Variants in RNF212 observed in about 807,000 individuals in gnomAD.
RNF212 encodes the protein probable E3 SUMO-protein ligase RNF212.
In RNF212, 33 loss-of-function variants were observed where a neutral mutation model predicts 34.7. The ratio of observed to expected loss-of-function variants is 0.95; its 90% CI spans 0.72 to 1.27. The LOEUF (loss-of-function observed/expected upper bound fraction) is 1.27, where lower values mean the gene tolerates loss of function less well. Ranked by LOEUF, RNF212 falls within the 50% of genes most tolerant of loss-of-function variation. RNF212 has a pLI of 0.00. For missense variants in RNF212, 377 were observed against 362.2 expected, an observed-to-expected ratio of 1.04 and a Z score of -0.33; for synonymous variants, 140 against 136.1, an observed-to-expected ratio of 1.03 and a Z score of -0.20.
chr4:1,075,546 C>G (rs1719155954), intron 8 of RNF212, among the ~76,000 whole-genome samples: 2 of 152,246 alleles, frequency 1.3e-5, no homozygotes, highest in Non-Finnish European at 2.9e-5. Flanking sequence ...GCACCAGCCA[C>G]CAGGGATCTG....
intron 4 of RNF212, chr4:1,056,569 A>G: frequency 1.3e-6 from 1 of 765,858 alleles, no homozygotes; most frequent in South Asian, 5.9e-5. Context: ...GAGTTTATTC[A>G]CTAAAATGTG....
chr4:1,080,097 C>A (rs188444617), intron 7 of RNF212, among the ~76,000 whole-genome samples: 10 of 152,328 alleles, frequency 6.6e-5, no homozygotes, highest in Non-Finnish European at 1.3e-4. Context: ...CACTGCCTGG[C>A]CACACATACC....
chr4:1,088,697 G>C (rs1721720546), intron 4 of RNF212, among the ~76,000 whole-genome samples: 2 of 152,202 alleles, frequency 1.3e-5, no homozygotes, highest in African/African-American at 4.8e-5. Flanking sequence ...TAGTTTTATG[G>C]GCCGGGCCAA....
chr4:1,082,142 G>T (rs1177557573), intron 5 of RNF212, among the ~76,000 whole-genome samples: 1 of 151,934 alleles, frequency 6.6e-6, no homozygotes, highest in Non-Finnish European at 1.5e-5. Flanking sequence ...AAAAGGAAGG[G>T]GAAAGGGAAA....
rs1176491239 is a variant in RNF212, at chr4:1,076,512, C to T, written c.511-2850G>A. 2.0e-5 allele frequency among the ~76,000 whole-genome samples: 3 copies of T among 152,210 alleles called. No homozygotes were observed. In the South Asian group the frequency reaches 6.2e-4, roughly 32 times the overall value. The stretch of plus-strand genomic sequence containing the variant: ...GTGGGAGGTTCACCTCGAGAGAGGC[C>T]TGCACACTGCTCTCTGCAGGCCAGA... On this transcript the variant is annotated intron_variant, in intron 8 of 9. Coordinates refer to ENST00000433731, the MANE Select transcript of RNF212 (RefSeq NM_001131034.4).
intron 3 of RNF212, among the ~76,000 whole-genome samples, chr4:1,092,653 C>T (rs941132696): frequency 1.3e-5 from 2 of 152,202 alleles, no homozygotes; most frequent in Non-Finnish European, 2.9e-5. Context: ...TTGAACTGAG[C>T]CAGAGAAACA....
downstream of RNF212, among the ~76,000 whole-genome samples, chr4:1,070,408 T>C (rs572869186): frequency 1.0e-4 from 14 of 138,074 alleles, no homozygotes; most frequent in South Asian, 2.4e-4. Flanking sequence ...TGGGTGGTTT[T>C]GTAGGACTGT....
chr4:1,084,504 A>G (rs1399667182), intron 5 of RNF212, among the ~76,000 whole-genome samples: 1 of 151,950 alleles, frequency 6.6e-6, no homozygotes, highest in East Asian at 1.9e-4. Context: ...CTGAGGTGGG[A>G]GGATCACTTG....
At chr4:1,089,683 G>C (rs1305824589) in intron 4 of RNF212, among the ~76,000 whole-genome samples, 2 of 149,852 alleles carry the variant, frequency 1.3e-5, no homozygotes, top group Non-Finnish European at 2.9e-5. Context: ...TGTCAAGGGA[G>C]GGATCCGGTG....
In RNF212 at chr4:1,097,465, C is replaced by T. The variant is rs189950882; in HGVS notation, c.172-626G>A. Among the ~76,000 whole-genome samples the T allele has an allele frequency of 9.9e-5, 15 of 152,044 alleles. No homozygotes were observed. The East Asian group carries it at 2.5e-3, about 26-fold the overall frequency. On this transcript the variant is annotated intron_variant, in intron 2 of 9. Transcript: ENST00000433731. ...TAAAAATATAAAAAAATTAGCCGGG[C>T]GTGGTGACGGGCACCTGTAGTCCCA...
chr4:1,094,046 G>T, intron 3 of RNF212: 1 of 1,355,630 alleles, frequency 7.4e-7, no homozygotes, highest in South Asian at 1.3e-5. Flanking sequence ...TCAGAAGCAA[G>T]GAAGCTCCCA....
intron 2 of RNF212, among the ~76,000 whole-genome samples, chr4:1,102,559 A>G (rs1237565702): frequency 7.1e-6 from 1 of 140,490 alleles, no homozygotes; most frequent in Non-Finnish European, 1.5e-5. Context: ...GTCTCTACCA[A>G]AAATACAAAA....
chr4:1,084,433 A>G (rs1279237787), intron 5 of RNF212, among the ~76,000 whole-genome samples: 2 of 152,186 alleles, frequency 1.3e-5, no homozygotes, highest in African/African-American at 2.4e-5. Flanking sequence ...TGGCAGCTAC[A>G]TGAAAATACA....
rs139785280 is a variant in RNF212 at position 1,057,835 on chromosome 4, C to A, written n.220+486G>T. Among the ~76,000 whole-genome samples the A allele has an allele frequency of 4.1e-3, 632 of 152,346 alleles. 5 individuals are homozygous for A. Among genetic ancestry groups the A allele is most frequent in the African/African-American group, 0.014 (592 of 41,582 alleles). The stretch of plus-strand genomic sequence containing the variant: ...ATCCCAGCACCTTGGGAGGCCGAGG[C>A]AGGCAGATCACCTGAGGTCGGGAGT... On this transcript the variant is annotated intron_variant and non_coding_transcript_variant, in intron 4 of 4. Transcript: ENST00000503206.
At chr4:1,093,693 G>T (rs1553809502) in intron 3 of RNF212, 1 of 1,536,234 alleles carries the variant, frequency 6.5e-7, no homozygotes, top group Non-Finnish European at 8.7e-7. Context: ...CACGGCCTGT[G>T]GCTCTGATGT....
chr4:1,112,375 G>A (rs1241213489), intron 1 of RNF212, among the ~76,000 whole-genome samples: 2 of 152,134 alleles, frequency 1.3e-5, no homozygotes, highest in African/African-American at 2.4e-5. Flanking sequence ...GGGCTGGAGG[G>A]CTGTGAGCCA....
Position 1,096,836 on chromosome 4 carries a change from C to G in RNF212, c.175G>C (p.Asp59His), listed in dbSNP as rs142187515. Residue 59 changes from aspartate to histidine, a missense_variant, in exon 3 of 10, where the codon GAC (aspartate) becomes CAC (histidine). By Grantham distance (81) the Asp-to-His change is moderately conservative (BLOSUM62 -1). Transcript: ENST00000433731. ...ATGAAGAATGCCTGGATATCTGCGT[C>G]GGTCTGAAAGAGAAAGAAATGACTC... is the stretch of plus-strand genomic sequence containing the variant. ...CRTVLLSKHT[D>H]ADIQAFFMSI... 4.4e-6 allele frequency: 7 copies of G among 1,609,146 alleles called. No individual in the cohort carries two copies. Among genetic ancestry groups the G allele is most frequent in the Non-Finnish European group, 6.0e-6 (7 of 1,175,368 alleles).
At chr4:1,093,440 C>G in intron 3 of RNF212, 2 of 1,434,654 alleles carry the variant, frequency 1.4e-6, no homozygotes, top group Non-Finnish European at 1.8e-6. Context: ...CACCTCACGT[C>G]ACACAGCTGC....
intron 7 of RNF212, among the ~76,000 whole-genome samples, chr4:1,080,809 G>T (rs1387305536): frequency 6.6e-6 from 1 of 151,936 alleles, no homozygotes; most frequent in African/African-American, 2.4e-5. Context: ...CTATCACAGG[G>T]GTGGACTGAA....
Sources: allele counts gnomAD v4.1 joint callset (sites outside exome capture counted in the v4.1 genomes callset), GRCh38; gene constraint gnomAD v4.1.1; transcripts MANE v1.5; gene names NCBI Gene and HGNC (gene_info 2026-07-23, HGNC 2026-07-21).